GRM3: variants seen among roughly 807,000 people sequenced by gnomAD.
The protein encoded by GRM3 is metabotropic glutamate receptor 3.
Under a neutral mutation model 70.5 loss-of-function variants are expected in GRM3, and 26 were observed. The observed-to-expected ratio is 0.37, with a 90% CI of 0.27 to 0.51. GRM3 has a LOEUF of 0.51. Ranked by LOEUF, GRM3 falls within the 20% of genes least tolerant of loss-of-function variation. The probability of loss-of-function intolerance (pLI) is 0.93; values close to 1 mark genes in which losing one functional copy is unlikely to be tolerated. For synonymous variants in GRM3, 443 were observed against 434.9 expected (o/e 1.02, Z -0.23); for missense variants, 859 against 1,123.8 (o/e 0.76, Z 3.37).
At chr7:86,666,282 A>C (rs1794023946) in intron 1 of GRM3, among the ~76,000 whole-genome samples, 1 of 152,048 alleles carries the variant, frequency 6.6e-6, no homozygotes, top group Non-Finnish European at 1.5e-5. Context: ...ACTTCGGAAA[A>C]TAGCTTACTT....
chr7:86,659,664 G>T (rs995696399), intron 1 of GRM3, among the ~76,000 whole-genome samples: 9 of 152,040 alleles, frequency 5.9e-5, no homozygotes, highest in African/African-American at 1.9e-4. Context: ...AGAAATGGAA[G>T]TTAGTAGTAT....
chr7:86,710,585 G>C (rs1398559111), intron 1 of GRM3, among the ~76,000 whole-genome samples: 1 of 121,472 alleles, frequency 8.2e-6, no homozygotes, highest in Non-Finnish European at 1.7e-5. Context: ...GGGGGAGGGG[G>C]CGGGTGGTGG....
intron 1 of GRM3, among the ~76,000 whole-genome samples, chr7:86,755,609 G>A (rs550817248): frequency 6.6e-6 from 1 of 152,242 alleles, no homozygotes; most frequent in African/African-American, 2.4e-5. Flanking sequence ...TTAACAACTG[G>A]TATGGCTGTA....
intron 1 of GRM3, among the ~76,000 whole-genome samples, chr7:86,718,919 C>T (rs983895293): frequency 2.6e-5 from 4 of 151,834 alleles, no homozygotes; most frequent in African/African-American, 9.7e-5. Context: ...ATCGCCACTG[C>T]TTTTGAGCTC....
rs544502978 is a variant in GRM3, at chr7:86,763,608, G to A, written c.-140-1398G>A. Reference sequence around the variant, plus strand: ...TGCCTGATTCCCAATAGATTCATACGTTCTAGCCTAGAATGTAAAAAGATG... The same window carrying A: ...TGCCTGATTCCCAATAGATTCATACATTCTAGCCTAGAATGTAAAAAGATG... On this transcript the variant is annotated intron_variant, in intron 1 of 5. Transcript: ENST00000361669. Among the ~76,000 whole-genome samples, 34 of 152,200 alleles carry A rather than the reference G, an allele frequency of 2.2e-4. No individual in the cohort carries two copies. The South Asian group carries it at 5.0e-3, about 22-fold the overall frequency.
intron 1 of GRM3, among the ~76,000 whole-genome samples, chr7:86,649,552 G>C (rs1793557070): frequency 6.6e-6 from 1 of 151,978 alleles, no homozygotes; most frequent in African/African-American, 2.4e-5. Context: ...TTTCTTATCA[G>C]AATTTACTTC....
chr7:86,767,640 C>T (rs550453116), intron 2 of GRM3, among the ~76,000 whole-genome samples: 1 of 149,416 alleles, frequency 6.7e-6, no homozygotes, highest in Non-Finnish European at 1.5e-5. Flanking sequence ...GAATGCCAGT[C>T]ATTTCACGAA....
intron 1 of GRM3, among the ~76,000 whole-genome samples, chr7:86,711,077 AG>A (rs1176825403): frequency 6.6e-6 from 1 of 152,076 alleles, no homozygotes; most frequent in Non-Finnish European, 1.5e-5. Context: ...ACTCTCTCTG[AG>A]CCCCACTTTC....
intron 3 of GRM3, among the ~76,000 whole-genome samples, chr7:86,797,839 G>C (rs1487371597): frequency 6.6e-6 from 1 of 152,094 alleles, no homozygotes; most frequent in Non-Finnish European, 1.5e-5. Flanking sequence ...ATGATTTCCT[G>C]GGCTGGGACC....
chr7:86,824,196 C>T (rs191685728), intron 3 of GRM3, among the ~76,000 whole-genome samples: 3 of 152,304 alleles, frequency 2.0e-5, no homozygotes, highest in Admixed American at 2.0e-4. Context: ...ATTCACCAGT[C>T]AGACCTGCTG....
chr7:86,754,662 A>T (rs544084315), intron 1 of GRM3, among the ~76,000 whole-genome samples: 6 of 152,158 alleles, frequency 3.9e-5, no homozygotes, highest in Non-Finnish European at 5.9e-5. Context: ...TGCCCAATAA[A>T]TTTTATTATC....
intron 1 of GRM3, among the ~76,000 whole-genome samples, chr7:86,677,684 G>C (rs1350287640): frequency 6.6e-6 from 1 of 151,808 alleles, no homozygotes; most frequent in African/African-American, 2.4e-5. Flanking sequence ...AGGTGGCTTG[G>C]GAAAAGGTAA....
chr7:86,767,226 T>G (rs977713856), intron 2 of GRM3, among the ~76,000 whole-genome samples: 4 of 151,652 alleles, frequency 2.6e-5, no homozygotes, highest in Non-Finnish European at 5.9e-5. Context: ...AAAAAAAATG[T>G]AAATAATGAT....
At chr7:86,828,137 A>G (rs958991238) in intron 3 of GRM3, among the ~76,000 whole-genome samples, 14 of 131,436 alleles carry the variant, frequency 1.1e-4, no homozygotes, top group Admixed American at 6.6e-4. Flanking sequence ...AAAAAAAAAA[A>G]TCCAATACAA....
chr7:86,792,765 G>T (rs1226964273), intron 3 of GRM3, among the ~76,000 whole-genome samples: 1 of 152,168 alleles, frequency 6.6e-6, no homozygotes, highest in Admixed American at 6.5e-5. Context: ...GGCTTACAAT[G>T]TTAGGGTGTT....
intron 4 of GRM3, among the ~76,000 whole-genome samples, chr7:86,842,249 A>G (rs1798571445): frequency 6.6e-6 from 1 of 152,184 alleles, no homozygotes; most frequent in Non-Finnish European, 1.5e-5. Flanking sequence ...TTATCCCACC[A>G]ATATGTCTAG....
chr7:86,770,483 C>T (rs192852559), intron 2 of GRM3, among the ~76,000 whole-genome samples: 1 of 152,030 alleles, frequency 6.6e-6, no homozygotes, highest in African/African-American at 2.4e-5. Context: ...CACATTGTAC[C>T]CCTGAGAAGA....
intron 4 of GRM3, among the ~76,000 whole-genome samples, chr7:86,844,387 G>A (rs1798614983): frequency 1.3e-5 from 2 of 152,100 alleles, no homozygotes; most frequent in South Asian, 4.1e-4. Flanking sequence ...AAAAGCATAT[G>A]GCTACAGTTT....
At chr7:86,827,165 G>A (rs565585582) in intron 3 of GRM3, among the ~76,000 whole-genome samples, 1 of 152,288 alleles carries the variant, frequency 6.6e-6, no homozygotes, top group Middle Eastern at 3.4e-3. Context: ...AGCACAAAAG[G>A]AGAGCTGATA....
Sources: gnomAD v4.1 joint callset for allele counts (sites outside exome capture counted in the v4.1 genomes callset) on GRCh38, gnomAD v4.1.1 for gene constraint, MANE v1.5 for transcripts, NCBI Gene and HGNC (gene_info 2026-07-23, HGNC 2026-07-21) for gene names.